The following ERH variants were observed in gnomAD, a reference collection of about 807,000 sequenced individuals.
The protein encoded by ERH is enhancer of rudimentary homolog.
ERH carries 1 observed loss-of-function variant against 16.8 expected under a neutral mutation model. The observed-to-expected ratio is 0.06, with a 90% CI of 0.02 to 0.28. The LOEUF (loss-of-function observed/expected upper bound fraction) is 0.28, where lower values mean the gene tolerates loss of function less well. ERH is among the 10% of genes least tolerant of loss of function. The pLI is 1.00. For synonymous variants in ERH, 43 were observed against 43.6 expected, an observed-to-expected ratio of 0.99 and a Z score of 0.05; for missense variants, 42 against 127.5, an observed-to-expected ratio of 0.33 and a Z score of 3.23.
chr14:69,389,611 T>G (rs899488753), intron 2 of ERH, among the ~76,000 whole-genome samples: 1 of 152,206 alleles, frequency 6.6e-6, no homozygotes, highest in African/African-American at 2.4e-5. Flanking sequence ...AGGATTGGTA[T>G]ATGAAAATAA....
Position 69,398,262 on chromosome 14 carries a change from T to C in ERH, c.-29A>G. 5.0e-6 allele frequency: 8 copies of C among 1,613,354 alleles called. No homozygotes were observed. The highest frequency in any genetic ancestry group is 6.8e-6 in the Non-Finnish European group (8 of 1,179,880). On this transcript the variant is annotated 5_prime_UTR_variant, in exon 1 of 4. Transcript: ENST00000557016. ...GCCAAACTCTCTTCGCTACAGCAGCTGCCGACACCGCCGCCGTTACACGAG... is the reference window on the plus strand; with the variant it reads ...GCCAAACTCTCTTCGCTACAGCAGCCGCCGACACCGCCGCCGTTACACGAG...
chr14:69,388,991 G>A (rs181467210), intron 2 of ERH, among the ~76,000 whole-genome samples: 116 of 151,892 alleles, frequency 7.6e-4, no homozygotes, highest in African/African-American at 2.6e-3. Context: ...AAATAAATTC[G>A]TATATGTTAA....
chr14:69,398,122 G>C, intron 1 of ERH, 109 bp downstream of exon 1: 1 of 1,240,132 alleles, frequency 8.1e-7, no homozygotes, highest in East Asian at 2.5e-5. Flanking sequence ...GTGGCGGGGA[G>C]CATCACGCGG....
At chr14:69,381,846 G>A (rs1178799493) in intron 3 of ERH, among the ~76,000 whole-genome samples, 1 of 152,076 alleles carries the variant, frequency 6.6e-6, no homozygotes, top group Non-Finnish European at 1.5e-5. Context: ...GTGCCACCAC[G>A]TCCAGCTAAT....
chr14:69,386,808 C>T (rs2045896033), intron 3 of ERH, 155 bp downstream of exon 3: 5 of 609,132 alleles, frequency 8.2e-6, no homozygotes, highest in African/African-American at 1.9e-5. Flanking sequence ...TTGCCAATCT[C>T]TTATTTCTGT....
intron 2 of ERH, among the ~76,000 whole-genome samples, chr14:69,388,606 C>T (rs1451148488): frequency 3.3e-5 from 5 of 152,168 alleles, no homozygotes; most frequent in African/African-American, 1.2e-4. Context: ...AGGTGATCAG[C>T]GTGCCTCAGC....
intron 1 of ERH, among the ~76,000 whole-genome samples, chr14:69,397,239 ATTC>A (rs1260710170): frequency 6.6e-6 from 1 of 152,156 alleles, no homozygotes; most frequent in Non-Finnish European, 1.5e-5. Context: ...TCCTGCTCAA[ATTC>A]TTTACAGATT....
rs1209060836 is a variant in ERH, at chr14:69,386,984, A to T, written c.191T>A (p.Leu64Gln). The change falls in exon 3 of 4, where the codon CTG becomes CAG. Residue 64 changes from leucine (L) to glutamine (Q), a missense_variant. Transcript: ENST00000557016. ...TTACACCAGGCAGCTGAGGTCTGCCAGATCATCGATGAAATCAAACAACTG... is the reference window on the plus strand; with the variant it reads ...TTACACCAGGCAGCTGAGGTCTGCCTGATCATCGATGAAATCAAACAACTG... ...ISQLFDFIDD[L>Q]ADLSCLVYRA... 1 of 1,613,644 alleles carries T rather than the reference A, an allele frequency of 6.2e-7. No homozygotes were observed. The highest frequency in any genetic ancestry group is 8.5e-7 in the Non-Finnish European group (1 of 1,179,866).
In ERH at chr14:69,394,170, T is replaced by A. The variant is rs76030330; in HGVS notation, c.91+655A>T. 3.0e-4 allele frequency among the ~76,000 whole-genome samples: 46 copies of A among 151,974 alleles called. No individual in the cohort carries two copies. The East Asian group carries it at 7.6e-3, about 25-fold the overall frequency. ...AGTGTTTGAGCTTAACCAGAATATA[T>A]AAGGGATACCTGTAAAATATTTCCA... On this transcript the variant is annotated intron_variant, in intron 2 of 3. Coordinates refer to ENST00000557016, the MANE Select transcript of ERH (RefSeq NM_004450.3).
chr14:69,398,294 T>C lies in ERH; in HGVS notation c.-61A>G, dbSNP rs961401504. 2.5e-6 allele frequency: 4 copies of C among 1,612,082 alleles called. No homozygotes were observed. The African/African-American group carries it at 5.3e-5, about 22-fold the overall frequency. ...ACCGCCGCCGTTACACGAGCTTAAC[T>C]ACAACGCCGCTAACAGCCAATCCTC... On this transcript the variant is annotated 5_prime_UTR_variant, in exon 1 of 4. Transcript: ENST00000557016.
intron 2 of ERH, among the ~76,000 whole-genome samples, chr14:69,392,523 G>A (rs1297154694): frequency 6.6e-6 from 1 of 152,194 alleles, no homozygotes; most frequent in African/African-American, 2.4e-5. Flanking sequence ...TGAGGGTGGG[G>A]TAGGAGGGGA....
chr14:69,398,115 G>A lies in ERH; in HGVS notation c.3+116C>T, dbSNP rs1882412598. The A allele has an allele frequency of 5.0e-6, 6 of 1,201,212 alleles. No individual in the cohort carries two copies. In the East Asian group the frequency reaches 1.0e-4, roughly 20 times the overall value. 74.4% of individuals were successfully genotyped at this position (1,201,212 alleles called of 1,614,324 possible). A position where few individuals can be genotyped will look rare whatever the true frequency, so the allele number is the denominator to read the frequency against. ...AAGGGTCAATCCACCGACTAGAGTG[G>A]CGGGGAGCATCACGCGGCGCTGCAT... On this transcript the variant is annotated intron_variant, in intron 1 of 3. Transcript: ENST00000557016.
At chr14:69,385,344 A>C (rs2045885008) in intron 3 of ERH, among the ~76,000 whole-genome samples, 1 of 152,090 alleles carries the variant, frequency 6.6e-6, no homozygotes, top group African/African-American at 2.4e-5. Flanking sequence ...TTCCTAGCTT[A>C]TTTCTTACTT....
chr14:69,383,628 T>C (rs1417695828), intron 3 of ERH, among the ~76,000 whole-genome samples: 1 of 152,078 alleles, frequency 6.6e-6, no homozygotes, highest in East Asian at 1.9e-4. Flanking sequence ...AACAAACAAA[T>C]AGTTACAGGT....
intron 3 of ERH, among the ~76,000 whole-genome samples, chr14:69,381,946 C>T (rs750065756): frequency 3.3e-5 from 5 of 152,332 alleles, no homozygotes; most frequent in South Asian, 4.1e-4. Context: ...CCGCCTCGGC[C>T]GCCCAAAGTG....
At chr14:69,393,535 GT>G (rs1882265751) in intron 2 of ERH, among the ~76,000 whole-genome samples, 1 of 152,182 alleles carries the variant, frequency 6.6e-6, no homozygotes, top group Non-Finnish European at 1.5e-5. Context: ...GGAATTGGAG[GT>G]CATTATCTCA....
At chr14:69,397,314 G>C (rs1262329479) in intron 1 of ERH, among the ~76,000 whole-genome samples, 1 of 152,096 alleles carries the variant, frequency 6.6e-6, no homozygotes, top group African/African-American at 2.4e-5. Context: ...GATCATCCCG[G>C]TTGGGTTCTA....
At chr14:69,394,970 TAA>T (rs3837663) in intron 1 of ERH, 58 bp from the exon 2 acceptor site, 3 of 1,175,954 alleles carry the variant, frequency 2.6e-6, no homozygotes, top group Non-Finnish European at 2.5e-6. Context: ...CATAGTATGA[TAA>T]AAAAAAATCC....
chr14:69,389,601 A>G (rs943925960), intron 2 of ERH, among the ~76,000 whole-genome samples: 5 of 152,244 alleles, frequency 3.3e-5, no homozygotes, highest in African/African-American at 1.2e-4. Flanking sequence ...TGCAGGATAT[A>G]GGATTGGTAT....
Sources: gnomAD v4.1 joint callset for allele counts (sites outside exome capture counted in the v4.1 genomes callset) on GRCh38, gnomAD v4.1.1 for gene constraint, MANE v1.5 for transcripts, NCBI Gene and HGNC (gene_info 2026-07-23, HGNC 2026-07-21) for gene names.